ELAPOR1: variants seen among roughly 807,000 people sequenced by gnomAD.
ELAPOR1 encodes the protein endosome-lysosome associated apoptosis and autophagy regulator 1.
ELAPOR1 carries 77 observed loss-of-function variants against 119.7 expected under a neutral mutation model. The observed-to-expected ratio is 0.64, with a 90% CI of 0.54 to 0.78. The LOEUF (loss-of-function observed/expected upper bound fraction) is 0.78. Among genes scored for constraint, ELAPOR1 ranks in the 30% least tolerant of loss-of-function variants. The pLI, the probability that ELAPOR1 is intolerant of heterozygous loss-of-function variation, is 0.00. For synonymous variants in ELAPOR1, 481 were observed against 487.2 expected, an observed-to-expected ratio of 0.99 and a Z score of 0.17; for missense variants, 1,115 against 1,270.4, an observed-to-expected ratio of 0.88 and a Z score of 1.86.
At chr1:109,143,132 T>C (rs1649937500) in intron 1 of ELAPOR1, among the ~76,000 whole-genome samples, 2 of 152,142 alleles carry the variant, frequency 1.3e-5, no homozygotes. Context: ...GTATTTTTAG[T>C]AGAGATAGGC....
intron 7 of ELAPOR1, among the ~76,000 whole-genome samples, chr1:109,177,149 G>A (rs2101071841): frequency 6.6e-6 from 1 of 150,406 alleles, no homozygotes; most frequent in Middle Eastern, 3.4e-3. Flanking sequence ...TGGTGGCCGG[G>A]CAGAGGGGCT....
chr1:109,138,435 G>A (rs1459182913), intron 1 of ELAPOR1, among the ~76,000 whole-genome samples: 4 of 152,088 alleles, frequency 2.6e-5, no homozygotes, highest in Non-Finnish European at 5.9e-5. Context: ...CTGCCCAGGT[G>A]TCTATTTGGC....
intron 7 of ELAPOR1, 103 bp downstream of exon 7, chr1:109,173,940 TG>T: frequency 7.9e-7 from 1 of 1,268,136 alleles, no homozygotes; most frequent in South Asian, 1.4e-5. Flanking sequence ...AAGCTGAGGA[TG>T]GTAATTCTTA....
intron 1 of ELAPOR1, among the ~76,000 whole-genome samples, chr1:109,123,865 C>T (rs191248965): frequency 1.5e-3 from 234 of 151,802 alleles, no homozygotes; most frequent in Non-Finnish European, 1.7e-3. Flanking sequence ...TGCAATGGCA[C>T]GATCTTGGCC....
chr1:109,180,702 C>A (rs1010561362), intron 7 of ELAPOR1, among the ~76,000 whole-genome samples: 1 of 152,160 alleles, frequency 6.6e-6, no homozygotes, highest in Non-Finnish European at 1.5e-5. Context: ...CTATGGCTCA[C>A]ACCTGTAATC....
At chr1:109,180,547 C>T (rs989345759) in intron 7 of ELAPOR1, among the ~76,000 whole-genome samples, 1 of 151,994 alleles carries the variant, frequency 6.6e-6, no homozygotes, top group Non-Finnish European at 1.5e-5. Flanking sequence ...ATATCTGCCT[C>T]ATAGTGTTAT....
chr1:109,164,402 C>T, intron 2 of ELAPOR1, 97 bp from the exon 3 acceptor site: 1 of 1,039,922 alleles, frequency 9.6e-7, no homozygotes, highest in Non-Finnish European at 1.4e-6. Flanking sequence ...CTCCTAGACC[C>T]CAACCCAGCG....
intron 1 of ELAPOR1, among the ~76,000 whole-genome samples, chr1:109,127,631 A>G (rs1243059885): frequency 6.6e-6 from 1 of 151,992 alleles, no homozygotes; most frequent in Admixed American, 6.6e-5. Flanking sequence ...CCGTGGCGTG[A>G]TCACTGTTCA....
At chr1:109,149,285 A>G (rs1004076910) in intron 1 of ELAPOR1, among the ~76,000 whole-genome samples, 32 of 151,596 alleles carry the variant, frequency 2.1e-4, no homozygotes, top group African/African-American at 7.7e-4. Context: ...AACCCTCTTC[A>G]GGCAGGGTTA....
intron 3 of ELAPOR1, among the ~76,000 whole-genome samples, chr1:109,171,381 C>T (rs1244935452): frequency 1.3e-5 from 2 of 151,780 alleles, no homozygotes; most frequent in African/African-American, 4.8e-5. Context: ...AAACCTGTCT[C>T]TACTAAAAAA....
chr1:109,154,731 G>A (rs1650762502), intron 1 of ELAPOR1, among the ~76,000 whole-genome samples: 1 of 152,236 alleles, frequency 6.6e-6, no homozygotes, highest in African/African-American at 2.4e-5. Context: ...TTCTCCCTTG[G>A]AGTGTTCTGA....
chr1:109,117,165 T>G (rs1648068310), intron 1 of ELAPOR1, among the ~76,000 whole-genome samples: 1 of 152,218 alleles, frequency 6.6e-6, no homozygotes, highest in South Asian at 2.1e-4. Flanking sequence ...AGGTTTAGCT[T>G]GAGGCCTAAA....
intron 11 of ELAPOR1, among the ~76,000 whole-genome samples, chr1:109,191,125 C>T (rs368455266): frequency 2.6e-5 from 4 of 152,068 alleles, no homozygotes; most frequent in Admixed American, 6.6e-5. Context: ...TCAGGTCTCC[C>T]CGCGATGATG....
intron 1 of ELAPOR1, among the ~76,000 whole-genome samples, chr1:109,145,721 G>A (rs946217057): frequency 6.6e-5 from 10 of 152,104 alleles, no homozygotes; most frequent in Non-Finnish European, 1.0e-4. Flanking sequence ...TGAAAGAGAT[G>A]ACTAGATAAT....
intron 1 of ELAPOR1, among the ~76,000 whole-genome samples, chr1:109,115,665 T>C (rs557321032): frequency 6.6e-6 from 1 of 152,158 alleles, no homozygotes; most frequent in Non-Finnish European, 1.5e-5. Flanking sequence ...AGATGTTCTG[T>C]GTCTACAGCA....
intron 7 of ELAPOR1, among the ~76,000 whole-genome samples, chr1:109,179,850 G>A (rs950756305): frequency 6.6e-6 from 1 of 151,016 alleles, no homozygotes; most frequent in Admixed American, 6.6e-5. Flanking sequence ...AGGTTGCAGT[G>A]AGCCGAGATC....
chr1:109,191,309 C>T (rs866617091), intron 11 of ELAPOR1, 57 bp from the exon 12 acceptor site: 1 of 1,204,428 alleles, frequency 8.3e-7, no homozygotes, highest in Non-Finnish European at 1.2e-6. Context: ...GTTGTCTGGG[C>T]TCTTCAATAA....
intron 1 of ELAPOR1, among the ~76,000 whole-genome samples, chr1:109,137,997 T>C (rs968273969): frequency 3.9e-5 from 6 of 152,242 alleles, no homozygotes; most frequent in African/African-American, 7.2e-5. Flanking sequence ...AAAGACTACA[T>C]TCCAGCTGTA....
At chr1:109,132,735 T>G (rs1187121073) in intron 1 of ELAPOR1, among the ~76,000 whole-genome samples, 1 of 151,880 alleles carries the variant, frequency 6.6e-6, no homozygotes, top group Non-Finnish European at 1.5e-5. Context: ...GGAAGGCCAG[T>G]GTAATGGGAG....
Sources: allele counts gnomAD v4.1 joint callset (sites outside exome capture counted in the v4.1 genomes callset), GRCh38; gene constraint gnomAD v4.1.1; transcripts MANE v1.5; gene names NCBI Gene and HGNC (gene_info 2026-07-23, HGNC 2026-07-21).